The following SEC24B variants were observed in gnomAD, a reference collection of about 807,000 sequenced individuals.
The protein encoded by SEC24B is protein transport protein Sec24B.
SEC24B carries 45 observed loss-of-function variants against 142.8 expected under a neutral mutation model. The ratio of observed to expected loss-of-function variants is 0.32; its 90% CI spans 0.25 to 0.40. The LOEUF (loss-of-function observed/expected upper bound fraction) is 0.40, where lower values mean the gene tolerates loss of function less well. Ranked by LOEUF, SEC24B falls within the 10% of genes least tolerant of loss-of-function variation. The probability of loss-of-function intolerance (pLI) is 1.00; values close to 1 mark genes in which losing one functional copy is unlikely to be tolerated. For missense variants in SEC24B, 1,409 were observed against 1,526.8 expected, an observed-to-expected ratio of 0.92 and a Z score of 1.29; for synonymous variants, 574 against 568.2, an observed-to-expected ratio of 1.01 and a Z score of -0.15.
At chr4:109,461,743 A>G (rs563523823) in intron 1 of SEC24B, among the ~76,000 whole-genome samples, 1 of 152,208 alleles carries the variant, frequency 6.6e-6, no homozygotes, top group South Asian at 2.1e-4. Flanking sequence ...TTTAATTCAT[A>G]CTCTTTATTG....
At chr4:109,497,227 A>G (rs557525353) in intron 6 of SEC24B, among the ~76,000 whole-genome samples, 1 of 152,388 alleles carries the variant, frequency 6.6e-6, no homozygotes, top group African/African-American at 2.4e-5. Context: ...ATCCACAGAA[A>G]AAGTTTGCTG....
At chr4:109,440,842 T>C (rs34836476) in intron 1 of SEC24B, among the ~76,000 whole-genome samples, 26,555 of 152,148 alleles carry the variant, frequency 0.17, 2,614 homozygotes, top group African/African-American at 0.27. Context: ...TTATTGCTTT[T>C]GAAGACTGGC....
At chr4:109,531,364 C>A (rs754844460) in intron 19 of SEC24B, 21 bp from the exon 20 acceptor site, 1 of 1,579,138 alleles carries the variant, frequency 6.3e-7, no homozygotes, top group Admixed American at 1.8e-5. Flanking sequence ...TACTTGAAAA[C>A]GTTTATCTTT....
At chr4:109,528,437 A>C (rs1482323310) in intron 18 of SEC24B, among the ~76,000 whole-genome samples, 1 of 152,028 alleles carries the variant, frequency 6.6e-6, no homozygotes, top group Non-Finnish European at 1.5e-5. Context: ...TCTCAAAAAA[A>C]AAAAAAAAAA....
At chr4:109,475,542 AT>A (rs542745305) in intron 3 of SEC24B, among the ~76,000 whole-genome samples, 1 of 152,036 alleles carries the variant, frequency 6.6e-6, no homozygotes, top group Non-Finnish European at 1.5e-5. Context: ...AGCCCCTAAA[AT>A]TTTTTTTATA....
At chr4:109,471,053 GTATT>G (rs942837032) in intron 2 of SEC24B, among the ~76,000 whole-genome samples, 5 of 150,914 alleles carry the variant, frequency 3.3e-5, no homozygotes, top group African/African-American at 5.0e-5. Context: ...GAGTTCATGG[GTATT>G]TATTTTATTA....
intron 2 of SEC24B, among the ~76,000 whole-genome samples, chr4:109,467,199 G>T (rs563312929): frequency 3.3e-5 from 5 of 151,220 alleles, no homozygotes; most frequent in Non-Finnish European, 7.4e-5. Flanking sequence ...GGTAGCGGGC[G>T]CCTGTAGTCC....
At chr4:109,444,171 G>A (rs992815738) in intron 1 of SEC24B, among the ~76,000 whole-genome samples, 10 of 148,610 alleles carry the variant, frequency 6.7e-5, no homozygotes, top group Non-Finnish European at 1.0e-4. Flanking sequence ...GCAGTGAACC[G>A]TGATCATGCC....
At chr4:109,464,159 G>A (rs1391571385) in intron 2 of SEC24B, among the ~76,000 whole-genome samples, 1 of 152,160 alleles carries the variant, frequency 6.6e-6, no homozygotes, top group African/African-American at 2.4e-5. Context: ...AGATTAGTAA[G>A]TTAGGCTGAA....
chr4:109,474,527 C>T (rs1471925928), intron 3 of SEC24B, among the ~76,000 whole-genome samples: 5 of 151,546 alleles, frequency 3.3e-5, no homozygotes, highest in African/African-American at 2.4e-5. Flanking sequence ...TGGGTTCCAG[C>T]GATTCTCCTG....
At chr4:109,516,466 T>G in intron 10 of SEC24B, 62 bp from the exon 11 acceptor site, 1 of 932,524 alleles carries the variant, frequency 1.1e-6, no homozygotes, top group Non-Finnish European at 1.6e-6. Context: ...GTAGCAATAG[T>G]AATATATAAA....
intron 5 of SEC24B, among the ~76,000 whole-genome samples, chr4:109,494,002 T>G (rs1735277422): frequency 6.6e-6 from 1 of 152,232 alleles, no homozygotes; most frequent in African/African-American, 2.4e-5. Flanking sequence ...AGTTTTTATA[T>G]AGATGGTAGG....
At chr4:109,477,140 TAAAAAAA>T (rs759331468) in intron 3 of SEC24B, among the ~76,000 whole-genome samples, 2 of 55,882 alleles carry the variant, frequency 3.6e-5, no homozygotes, top group South Asian at 8.4e-4. Flanking sequence ...CCGTCTCAAA[TAAAAAAA>T]AAAAAAAAAA....
At chr4:109,504,881 A>G (rs1022499167) in intron 6 of SEC24B, among the ~76,000 whole-genome samples, 16 of 152,144 alleles carry the variant, frequency 1.1e-4, no homozygotes, top group Non-Finnish European at 2.2e-4. Context: ...CTGGAATTCT[A>G]TAGCACATTA....
intron 8 of SEC24B, 130 bp downstream of exon 8, chr4:109,510,241 A>T: frequency 2.1e-6 from 1 of 467,566 alleles, no homozygotes; most frequent in Non-Finnish European, 3.6e-6. Context: ...CATTTCCATA[A>T]CAACTTGGCA....
At chr4:109,505,922 T>C (rs1736638165) in intron 6 of SEC24B, among the ~76,000 whole-genome samples, 2 of 152,114 alleles carry the variant, frequency 1.3e-5, no homozygotes, top group Admixed American at 1.3e-4. Context: ...ATTAAAAACA[T>C]AGGAAACAAA....
chr4:109,484,801 G>A (rs1164978599), intron 4 of SEC24B, among the ~76,000 whole-genome samples: 1 of 148,230 alleles, frequency 6.7e-6, no homozygotes, highest in African/African-American at 2.5e-5. Context: ...GCAGTGAGCC[G>A]AGATCACGCC....
intron 22 of SEC24B, among the ~76,000 whole-genome samples, chr4:109,535,223 C>CTT (rs1312920410): frequency 1.3e-5 from 2 of 152,082 alleles, no homozygotes; most frequent in African/African-American, 4.8e-5. Context: ...TGAGGAACTG[C>CTT]CAAACTGTTT....
chr4:109,538,018 T>A (rs1183102826), intron 22 of SEC24B, among the ~76,000 whole-genome samples: 1 of 152,186 alleles, frequency 6.6e-6, no homozygotes, highest in African/African-American at 2.4e-5. Context: ...TTTTAAAATA[T>A]ATTTACATAT....
Sources: allele counts gnomAD v4.1 joint callset (sites outside exome capture counted in the v4.1 genomes callset), GRCh38; gene constraint gnomAD v4.1.1; transcripts MANE v1.5; gene names NCBI Gene and HGNC (gene_info 2026-07-23, HGNC 2026-07-21).